The following CCDC171 variants were observed in gnomAD, a reference collection of about 807,000 sequenced individuals.
CCDC171 encodes coiled-coil domain containing 171, also known as coiled-coil domain-containing protein 171.
A neutral mutation model predicts 168.2 loss-of-function variants in CCDC171; 177 were observed. The ratio of observed to expected loss-of-function variants is 1.05; its 90% CI spans 0.93 to 1.19. The LOEUF (loss-of-function observed/expected upper bound fraction) is 1.19, where lower values mean the gene tolerates loss of function less well. Among genes scored for constraint, CCDC171 ranks in the 50% most tolerant of loss-of-function variants. The pLI is 0.00. For missense variants in CCDC171, 1,991 were observed against 1,539.0 expected (o/e 1.29, Z -4.91); for synonymous variants, 687 against 540.8 (o/e 1.27, Z -3.75).
At chr9:15,915,521 C>T (rs1242439395) in intron 24 of CCDC171, among the ~76,000 whole-genome samples, 1 of 151,910 alleles carries the variant, frequency 6.6e-6, no homozygotes, top group Non-Finnish European at 1.5e-5. Context: ...TTGGTGGGTT[C>T]TTTAGGATTT....
chr9:15,846,741 C>G lies in CCDC171; in HGVS notation c.3307C>G (p.Gln1103Glu). 6.2e-7 allele frequency: 1 copy of G among 1,612,954 alleles called. No individual in the cohort carries two copies. The highest frequency in any genetic ancestry group is 8.5e-7 in the Non-Finnish European group (1 of 1,179,410). ...EAKMELRRKDQSLRQLNRHLT... is the reference protein window; with the variant it reads ...EAKMELRRKDESLRQLNRHLT... The stretch of plus-strand genomic sequence containing the variant: ...AAAGATGGAGCTGAGAAGAAAAGAT[C>G]AATCTCTGCGTCAGCTCAATAGACA... Residue 1103 changes from glutamine (Q) to glutamate (E), a missense_variant, in exon 22 of 26, where the codon CAA becomes GAA. By Grantham distance (29) the Gln-to-Glu change is conservative (BLOSUM62 2). Transcript: ENST00000380701.
chr9:15,823,145 T>C (rs1182178235), intron 21 of CCDC171, among the ~76,000 whole-genome samples: 7 of 151,922 alleles, frequency 4.6e-5, no homozygotes, highest in Non-Finnish European at 8.8e-5. Flanking sequence ...TGAGAACACA[T>C]AGACACAGGA....
At chr9:15,883,147 G>T in intron 24 of CCDC171, 1 of 394,574 alleles carries the variant, frequency 2.5e-6, no homozygotes, top group South Asian at 1.8e-5. Context: ...TCCTGCCTCA[G>T]CCTGCTGAGT....
chr9:15,583,204 C>T (rs751236133), intron 4 of CCDC171, among the ~76,000 whole-genome samples: 103 of 152,048 alleles, frequency 6.8e-4, no homozygotes, highest in Non-Finnish European at 1.4e-3. Context: ...ATCACCAGGT[C>T]AAGAGATTGA....
chr9:15,657,111 T>C lies in CCDC171; in HGVS notation c.823-16T>C, dbSNP rs1436108258. The C allele has an allele frequency of 1.3e-6, 2 of 1,487,456 alleles. No individual in the cohort carries two copies. The highest frequency in any genetic ancestry group is 2.4e-5 in the South Asian group (2 of 83,960). The allele number at this position is 1,487,456 out of a possible 1,614,324, so 92.1% of individuals were successfully genotyped here. A position where few individuals can be genotyped will look rare whatever the true frequency, so the allele number is the denominator to read the frequency against. ...ATACCAATGTTTATGAATTTAAACT[T>C]TTAATTTGTTTTCAGGCAACTACTC... On this transcript the variant is annotated splice_polypyrimidine_tract_variant and intron_variant, in intron 7 of 25. Coordinates refer to ENST00000380701, the MANE Select transcript of CCDC171 (RefSeq NM_173550.4).
chr9:15,691,032 C>G (rs144135387), intron 10 of CCDC171, among the ~76,000 whole-genome samples: 118 of 152,216 alleles, frequency 7.8e-4, no homozygotes, highest in African/African-American at 2.7e-3. Flanking sequence ...AATTTGTTAA[C>G]AATTGTCTGA....
chr9:15,629,496 G>A (rs1587559900), intron 7 of CCDC171, among the ~76,000 whole-genome samples: 3 of 152,186 alleles, frequency 2.0e-5, no homozygotes, highest in East Asian at 1.9e-4. Flanking sequence ...AAAAAGAAAC[G>A]AACAAAGCCT....
chr9:15,593,473 T>C (rs976292208), intron 5 of CCDC171, among the ~76,000 whole-genome samples: 1 of 152,146 alleles, frequency 6.6e-6, no homozygotes, highest in Non-Finnish European at 1.5e-5. Context: ...TCTTGTTTTT[T>C]TGCTTTTCAA....
chr9:15,651,687 C>CT (rs375495905), intron 7 of CCDC171, among the ~76,000 whole-genome samples: 8 of 151,490 alleles, frequency 5.3e-5, no homozygotes, highest in Non-Finnish European at 7.4e-5. Context: ...GCATTTCACT[C>CT]TTTTTTTTAT....
chr9:15,702,691 A>G (rs985232902), intron 11 of CCDC171, among the ~76,000 whole-genome samples: 1 of 152,166 alleles, frequency 6.6e-6, no homozygotes, highest in African/African-American at 2.4e-5. Flanking sequence ...TGTTTAGTGT[A>G]GCTACCTGCA....
rs530066827 is a variant in CCDC171, at chr9:15,921,183, C to T, written c.3753+761C>T. The stretch of plus-strand genomic sequence containing the variant: ...GAAAAACAGTATCATTTTGCTATTC[C>T]GCTGTTGACCCGCTTCAAATGCTAC... On this transcript the variant is annotated intron_variant, in intron 25 of 25. Coordinates refer to ENST00000380701, the MANE Select transcript of CCDC171 (RefSeq NM_173550.4). Among the ~76,000 whole-genome samples the T allele has an allele frequency of 9.9e-5, 15 of 151,666 alleles. No homozygotes were observed. In the East Asian group the frequency reaches 1.7e-3, roughly 18 times the overall value.
chr9:15,580,811 A>C (rs748545938), intron 4 of CCDC171, among the ~76,000 whole-genome samples: 7 of 152,202 alleles, frequency 4.6e-5, no homozygotes, highest in Non-Finnish European at 8.8e-5. Context: ...CACTATGGAC[A>C]ATAGTATGGA....
chr9:16,090,594 A>G, the CCDC171 span, among the ~76,000 whole-genome samples: 3 of 152,332 alleles, frequency 2.0e-5, no homozygotes, highest in South Asian at 6.2e-4. Context: ...GCACAAAAGT[A>G]TGGAAATAAA....
At chr9:15,756,798 A>G (rs541297731) in intron 18 of CCDC171, among the ~76,000 whole-genome samples, 11 of 152,214 alleles carry the variant, frequency 7.2e-5, no homozygotes, top group South Asian at 2.1e-4. Context: ...GGTTTCCCAC[A>G]TACTGTTCTC....
At chr9:16,008,303 G>C (rs1832765516) in intron 3 of CCDC171, among the ~76,000 whole-genome samples, 1 of 152,034 alleles carries the variant, frequency 6.6e-6, no homozygotes, top group Non-Finnish European at 1.5e-5. Flanking sequence ...TGGTTATCCT[G>C]GTATCCCTGC....
chr9:15,565,121 C>G (rs955660295), intron 2 of CCDC171, among the ~76,000 whole-genome samples: 1 of 142,410 alleles, frequency 7.0e-6, no homozygotes, highest in African/African-American at 2.7e-5. Context: ...CAGAATCTTG[C>G]TCTGTCGCCC....
the CCDC171 span, among the ~76,000 whole-genome samples, chr9:16,083,211 T>A: frequency 6.6e-6 from 1 of 152,208 alleles, no homozygotes; most frequent in Non-Finnish European, 1.5e-5. Flanking sequence ...TCTAAGACAT[T>A]TCCACACTCT....
chr9:15,589,098 T>C (rs947018969), intron 4 of CCDC171, among the ~76,000 whole-genome samples: 4 of 152,194 alleles, frequency 2.6e-5, no homozygotes, highest in Non-Finnish European at 5.9e-5. Flanking sequence ...AGAATGTCTC[T>C]GAAGTGGATT....
chr9:16,006,743 C>T (rs1832708865), intron 3 of CCDC171, among the ~76,000 whole-genome samples: 1 of 152,146 alleles, frequency 6.6e-6, no homozygotes. Flanking sequence ...CATCCATGTC[C>T]CTACAAAGGA....
Sources: allele counts gnomAD v4.1 joint callset (sites outside exome capture counted in the v4.1 genomes callset), GRCh38; gene constraint gnomAD v4.1.1; transcripts MANE v1.5; gene names NCBI Gene and HGNC (gene_info 2026-07-23, HGNC 2026-07-21).